TLN2: variants seen among roughly 807,000 people sequenced by gnomAD.
TLN2 encodes talin-2.
Under a neutral mutation model 294.7 loss-of-function variants are expected in TLN2, and 118 were observed. The observed-to-expected ratio is 0.40, with a 90% confidence interval of 0.34 to 0.47. TLN2 has a LOEUF of 0.47. Ranked by LOEUF, TLN2 falls within the 20% of genes least tolerant of loss-of-function variation. TLN2 has a pLI of 0.84. For missense variants in TLN2, 3,083 were observed against 3,282.2 expected (o/e 0.94, Z 1.48); for synonymous variants, 1,431 against 1,304.5 (o/e 1.10, Z -2.09).
At chr15:62,464,899 G>T (rs370727) in intron 1 of TLN2, among the ~76,000 whole-genome samples, 134,490 of 152,172 alleles carry the variant, frequency 0.88, 60,819 homozygotes, top group East Asian at 1. Flanking sequence ...TCAGCATCTT[G>T]ATGATGATTT....
intron 25 of TLN2, 130 bp from the exon 26 acceptor site, chr15:62,722,222 GA>G: frequency 9.6e-7 from 1 of 1,036,782 alleles, no homozygotes; most frequent in Non-Finnish European, 1.3e-6. Context: ...AATAGGGGAT[GA>G]GTTGTTTAAT....
chr15:62,408,033 C>T (rs577294511), intron 1 of TLN2, among the ~76,000 whole-genome samples: 71 of 152,168 alleles, frequency 4.7e-4, no homozygotes, highest in Admixed American at 1.2e-3. Context: ...TGTACAGTAC[C>T]CCTGCCACCA....
In TLN2 at chr15:62,752,318, C is replaced by G. The variant is rs768659155; in HGVS notation, c.4223C>G (p.Ser1408Trp). ...TTTGTTTTGCAGGTTCTGGGTGAAT[C>G]GATGGCAGGGATTTCACAGAATGCC... ...VMENSKVLGE[S>W]MAGISQNAKT... Residue 1408 changes from serine (S) to tryptophan (W), a missense_variant, in exon 35 of 59, where the codon TCG (serine) becomes TGG (tryptophan). Coordinates refer to ENST00000636159, the MANE Select transcript of TLN2 (RefSeq NM_015059.3). 2 of 1,613,914 alleles carry G rather than the reference C, an allele frequency of 1.2e-6. No homozygotes were observed. The highest frequency in any genetic ancestry group is 1.7e-6 in the Non-Finnish European group (2 of 1,180,002).
chr15:62,820,549 C>T lies in TLN2; in HGVS notation c.6941C>T (p.Ala2314Val), dbSNP rs758446531. The T allele has an allele frequency of 1.2e-6, 2 of 1,613,996 alleles. No individual in the cohort carries two copies. The highest frequency in any genetic ancestry group is 1.1e-5 in the South Asian group (1 of 91,064). ...GCAGAAACAGAGTTACTGGGGGCTG[C>T]AGCATCCATCGAAGCTGCTGCTAAG... The part of the protein sequence containing the change: ...VIAETELLGA[A>V]ASIEAAAKKL... Residue 2314 changes from alanine to valine, a missense_variant, in exon 54 of 59, where the codon GCA becomes GTA. Transcript: ENST00000636159.
intron 11 of TLN2, among the ~76,000 whole-genome samples, chr15:62,677,470 G>T (rs2056342982): frequency 2.0e-5 from 3 of 152,196 alleles, no homozygotes; most frequent in African/African-American, 4.8e-5. Flanking sequence ...ATTAGGAAGA[G>T]AAGTTGAACA....
chr15:62,809,726 C>T (rs1267598078), intron 51 of TLN2, among the ~76,000 whole-genome samples, 199 bp from the exon 52 acceptor site: 1 of 152,216 alleles, frequency 6.6e-6, no homozygotes, highest in East Asian at 1.9e-4. Flanking sequence ...ACAAAGTCTG[C>T]ACACAGACTG....
chr15:62,715,569 TA>T (rs2059711884), intron 22 of TLN2, among the ~76,000 whole-genome samples: 1 of 152,200 alleles, frequency 6.6e-6, no homozygotes, highest in Non-Finnish European at 1.5e-5. Context: ...CCCATCTAAA[TA>T]AAATCCACTT....
chr15:62,748,526 T>A, intron 33 of TLN2, 82 bp downstream of exon 33: 1 of 1,151,728 alleles, frequency 8.7e-7, no homozygotes, highest in Non-Finnish European at 1.3e-6. Flanking sequence ...TGTCTATGTC[T>A]GTGTCTGTTC....
intron 1 of TLN2, among the ~76,000 whole-genome samples, chr15:62,409,439 A>G (rs2033629484): frequency 6.6e-6 from 1 of 152,254 alleles, no homozygotes; most frequent in African/African-American, 2.4e-5. Context: ...TGGCTGTTGC[A>G]GGGTCTCATT....
chr15:62,628,277 T>C (rs908048970), intron 3 of TLN2, among the ~76,000 whole-genome samples: 3 of 152,242 alleles, frequency 2.0e-5, no homozygotes, highest in Admixed American at 2.0e-4. Context: ...TTTGAAACTA[T>C]TCATGTACCT....
intron 32 of TLN2, among the ~76,000 whole-genome samples, chr15:62,742,735 A>T (rs9806385): frequency 6.6e-6 from 1 of 152,224 alleles, no homozygotes; most frequent in Non-Finnish European, 1.5e-5. Flanking sequence ...AAATCATCAC[A>T]TGAAAATGAT....
intron 26 of TLN2, among the ~76,000 whole-genome samples, chr15:62,724,616 C>G (rs2060335531): frequency 6.6e-6 from 1 of 152,284 alleles, no homozygotes; most frequent in East Asian, 1.9e-4. Flanking sequence ...CTGCATCTTT[C>G]CCATGACTCT....
At chr15:62,569,741 C>T (rs886721904) in intron 1 of TLN2, among the ~76,000 whole-genome samples, 10 of 152,244 alleles carry the variant, frequency 6.6e-5, no homozygotes, top group Admixed American at 4.6e-4. Flanking sequence ...ATGTTGTGAT[C>T]GTGTAGGATA....
intron 1 of TLN2, among the ~76,000 whole-genome samples, chr15:62,552,003 G>A (rs984829463): frequency 6.6e-6 from 1 of 152,150 alleles, no homozygotes; most frequent in Non-Finnish European, 1.5e-5. Flanking sequence ...GACTTTATTC[G>A]TCAGTTAGCC....
chr15:62,783,576 A>G (rs990240477), intron 44 of TLN2, among the ~76,000 whole-genome samples, 195 bp from the exon 45 acceptor site: 28 of 152,234 alleles, frequency 1.8e-4, no homozygotes, highest in African/African-American at 2.7e-4. Context: ...TTTGTGTGCA[A>G]TGCAGCATGG....
At chr15:62,530,316 A>ATTTGTTTGTTTG (rs113403334) in intron 1 of TLN2, among the ~76,000 whole-genome samples, 1 of 152,154 alleles carries the variant, frequency 6.6e-6, no homozygotes, top group African/African-American at 2.4e-5. Flanking sequence ...ATATAAATGT[A>ATTTGTTTGTTTG]TTTGTTTGTT....
intron 26 of TLN2, among the ~76,000 whole-genome samples, chr15:62,724,746 C>G (rs529752142): frequency 6.6e-6 from 1 of 152,118 alleles, no homozygotes; most frequent in African/African-American, 2.4e-5. Flanking sequence ...GGAACTCTTA[C>G]TATATCCAGT....
chr15:62,506,964 A>G (rs1207619219), intron 1 of TLN2, among the ~76,000 whole-genome samples: 1 of 151,852 alleles, frequency 6.6e-6, no homozygotes, highest in Admixed American at 6.6e-5. Context: ...GAATGACAAG[A>G]TATTTGTTGT....
chr15:62,674,580 G>A (rs1012134166), intron 10 of TLN2, among the ~76,000 whole-genome samples: 3 of 148,132 alleles, frequency 2.0e-5, no homozygotes, highest in African/African-American at 7.5e-5. Flanking sequence ...TGCAACCTCC[G>A]TACCTCCCCC....
Sources: gnomAD v4.1 joint callset for allele counts (sites outside exome capture counted in the v4.1 genomes callset) on GRCh38, gnomAD v4.1.1 for gene constraint, MANE v1.5 for transcripts, NCBI Gene and HGNC (gene_info 2026-07-23, HGNC 2026-07-21) for gene names.